Variants in UNC13C observed in about 807,000 individuals in gnomAD.
The protein encoded by UNC13C is protein unc-13 homolog C.
UNC13C carries 174 observed loss-of-function variants against 245.4 expected under a neutral mutation model. The observed-to-expected ratio is 0.71, with a 90% CI of 0.63 to 0.80. The LOEUF (loss-of-function observed/expected upper bound fraction) is 0.80. Ranked by LOEUF, UNC13C falls within the 30% of genes least tolerant of loss-of-function variation. The pLI, the probability that UNC13C is intolerant of heterozygous loss-of-function variation, is 0.00. For missense variants in UNC13C, 2,829 were observed against 2,602.9 expected (o/e 1.09, Z -1.89); for synonymous variants, 992 against 895.1 (o/e 1.11, Z -1.93).
the UNC13C span, among the ~76,000 whole-genome samples, chr15:53,855,353 CG>C: frequency 6.6e-6 from 1 of 152,016 alleles, no homozygotes; most frequent in African/African-American, 2.4e-5. Context: ...TGGTTAGAGA[CG>C]GCATCCTTGT....
rs1271127942 is a variant in UNC13C at position 54,627,168 on chromosome 15, G to A, written c.*55G>A. The A allele has an allele frequency of 2.0e-6, 3 of 1,494,446 alleles. No homozygotes were observed. The highest frequency in any genetic ancestry group is 2.6e-5 in the South Asian group (2 of 76,704). 92.6% of individuals were successfully genotyped at this position (1,494,446 alleles called of 1,614,324 possible). ...ATAATTGTTTGACTACTGCATGCATGTGCAAATACATGGGAATGTTTAGTT... is the reference window on the plus strand; with the variant it reads ...ATAATTGTTTGACTACTGCATGCATATGCAAATACATGGGAATGTTTAGTT... On this transcript the variant is annotated 3_prime_UTR_variant, in exon 33 of 33. Coordinates refer to ENST00000260323, the MANE Select transcript of UNC13C (RefSeq NM_001080534.3).
intron 4 of UNC13C, among the ~76,000 whole-genome samples, chr15:54,210,312 T>C (rs1320034052): frequency 6.6e-6 from 1 of 151,214 alleles, no homozygotes; most frequent in Non-Finnish European, 1.5e-5. Flanking sequence ...TATTTCTATA[T>C]TAGCTCTCTA....
At chr15:54,338,318 T>C (rs761177288) in intron 16 of UNC13C, 43 bp from the exon 17 acceptor site, 26 of 1,592,582 alleles carry the variant, frequency 1.6e-5, no homozygotes, top group Non-Finnish European at 2.1e-5. Flanking sequence ...GATTACAATG[T>C]GTCACTGTTG....
rs1192966998 is a variant in UNC13C at position 54,627,983 on chromosome 15, C to CTTTA, written c.*874_*877dup. The CTTTA allele has an allele frequency of 2.0e-5, 3 of 152,228 alleles. No homozygotes were observed. Among genetic ancestry groups the CTTTA allele is most frequent in the Admixed American group, 6.6e-5 (1 of 15,230 alleles). 9.4% of individuals were successfully genotyped at this position (152,228 alleles called of 1,614,324 possible). On this transcript the variant is annotated 3_prime_UTR_variant, in exon 33 of 33. Coordinates refer to ENST00000260323, the MANE Select transcript of UNC13C (RefSeq NM_001080534.3). ...TTATGACTCTATAATCAGTTCAATG[C>CTTTA]TTTATTTTTAAAAATATTCAATGAT...
intron 19 of UNC13C, among the ~76,000 whole-genome samples, chr15:54,463,738 T>G (rs7178299): frequency 0.44 from 67,150 of 151,858 alleles, 15,167 homozygotes; most frequent in East Asian, 0.72. Context: ...TGAAATCAGT[T>G]AGACCAAGAA....
chr15:54,426,760 AC>A (rs2040767939), intron 19 of UNC13C, among the ~76,000 whole-genome samples: 2 of 151,734 alleles, frequency 1.3e-5, no homozygotes, highest in Admixed American at 6.6e-5. Context: ...TCCATTACTT[AC>A]CCGCCATGCA....
the UNC13C span, among the ~76,000 whole-genome samples, chr15:53,934,267 C>G: frequency 1.1e-4 from 17 of 152,192 alleles, no homozygotes; most frequent in Non-Finnish European, 2.1e-4. Flanking sequence ...GATATTAACT[C>G]TCAATATGAG....
intron 2 of UNC13C, among the ~76,000 whole-genome samples, chr15:54,025,373 A>G (rs889341152): frequency 6.6e-6 from 1 of 152,208 alleles, no homozygotes; most frequent in African/African-American, 2.4e-5. Context: ...ACTGGGTAAC[A>G]TTTATTAATT....
chr15:53,861,804 T>C, the UNC13C span, among the ~76,000 whole-genome samples: 1 of 152,054 alleles, frequency 6.6e-6, no homozygotes, highest in Non-Finnish European at 1.5e-5. Context: ...CCATGGAAGA[T>C]AGGTAAAAGG....
At chr15:54,395,394 T>G (rs2040048700) in intron 18 of UNC13C, among the ~76,000 whole-genome samples, 1 of 151,830 alleles carries the variant, frequency 6.6e-6, no homozygotes, top group Admixed American at 6.6e-5. Flanking sequence ...TCCAGACCAC[T>G]AGGGTAAGGA....
chr15:53,845,505 T>C, the UNC13C span, among the ~76,000 whole-genome samples: 2 of 152,126 alleles, frequency 1.3e-5, no homozygotes, highest in Non-Finnish European at 2.9e-5. Flanking sequence ...TGTCCTATGA[T>C]ATGAAGTTGG....
chr15:54,599,324 G>A (rs568072138), intron 30 of UNC13C, among the ~76,000 whole-genome samples: 23 of 152,182 alleles, frequency 1.5e-4, no homozygotes, highest in African/African-American at 5.5e-4. Context: ...CAGCTTCAGA[G>A]GTACAGATCA....
chr15:53,869,501 T>A, the UNC13C span, among the ~76,000 whole-genome samples: 2 of 152,164 alleles, frequency 1.3e-5, no homozygotes, highest in South Asian at 4.1e-4. Flanking sequence ...AATATTAGAG[T>A]CTTCATTAGA....
intron 1 of UNC13C, among the ~76,000 whole-genome samples, chr15:53,982,603 G>C (rs1049323078): frequency 5.3e-5 from 8 of 152,138 alleles, no homozygotes; most frequent in African/African-American, 1.9e-4. Context: ...CTTTATTAAT[G>C]AGAAATCTTA....
intron 17 of UNC13C, among the ~76,000 whole-genome samples, chr15:54,363,707 T>C (rs1016848243): frequency 6.6e-6 from 1 of 152,174 alleles, no homozygotes; most frequent in Non-Finnish European, 1.5e-5. Flanking sequence ...AGAACAGCTA[T>C]AGCAACAGAC....
chr15:54,456,094 A>G (rs1891505854), intron 19 of UNC13C, among the ~76,000 whole-genome samples: 1 of 152,166 alleles, frequency 6.6e-6, no homozygotes, highest in Admixed American at 6.5e-5. Context: ...TGGCTTGCCA[A>G]TTATCCCAGC....
intron 10 of UNC13C, among the ~76,000 whole-genome samples, chr15:54,273,878 T>A (rs749589258): frequency 6.6e-6 from 1 of 152,200 alleles, no homozygotes; most frequent in African/African-American, 2.4e-5. Flanking sequence ...CTGGCCAAAC[T>A]GGGAGTCTGC....
chr15:54,095,262 T>C (rs1304663965), intron 2 of UNC13C, among the ~76,000 whole-genome samples: 1 of 152,206 alleles, frequency 6.6e-6, no homozygotes, highest in African/African-American at 2.4e-5. Flanking sequence ...TCAGTCCATT[T>C]CATGACATTC....
chr15:54,091,489 C>T (rs1462905566), intron 2 of UNC13C, among the ~76,000 whole-genome samples: 1 of 152,026 alleles, frequency 6.6e-6, no homozygotes, highest in Non-Finnish European at 1.5e-5. Context: ...AATGATAAGT[C>T]CTTTCGTATC....
Sources: gnomAD v4.1 joint callset for allele counts (sites outside exome capture counted in the v4.1 genomes callset) on GRCh38, gnomAD v4.1.1 for gene constraint, MANE v1.5 for transcripts, NCBI Gene and HGNC (gene_info 2026-07-23, HGNC 2026-07-21) for gene names.